DISC1: variants seen among roughly 807,000 people sequenced by gnomAD.
DISC1 encodes DISC1 scaffold protein, also known as disrupted in schizophrenia 1 protein.
Under a neutral mutation model 84.5 loss-of-function variants are expected in DISC1, and 57 were observed. That is an observed-to-expected ratio of 0.67 (90% CI 0.55 to 0.84). The LOEUF (loss-of-function observed/expected upper bound fraction) is 0.84. Among genes scored for constraint, DISC1 ranks in the 40% least tolerant of loss-of-function variants. DISC1 has a pLI of 0.00. For synonymous variants in DISC1, 411 were observed against 415.2 expected, an observed-to-expected ratio of 0.99 and a Z score of 0.12; for missense variants, 1,000 against 1,057.8, an observed-to-expected ratio of 0.95 and a Z score of 0.76.
At chr1:231,629,274 A>G (rs974777172) in intron 1 of DISC1, 6 of 152,632 alleles carry the variant, frequency 3.9e-5, no homozygotes, top group African/African-American at 1.2e-4. Flanking sequence ...TTTTGTTTCA[A>G]CACTCATTTG....
chr1:231,870,745 A>G (rs1252116245), intron 9 of DISC1, among the ~76,000 whole-genome samples: 1 of 151,658 alleles, frequency 6.6e-6, no homozygotes, highest in Non-Finnish European at 1.5e-5. Context: ...CCTATTACAA[A>G]CTCTGTTTTT....
intron 1 of DISC1, among the ~76,000 whole-genome samples, chr1:231,655,592 C>T (rs1409541728): frequency 6.6e-6 from 1 of 152,048 alleles, no homozygotes; most frequent in Non-Finnish European, 1.5e-5. Context: ...GTAATGACTT[C>T]TTTTCCTTTG....
rs572463643 is a variant in DISC1 at position 231,960,749 on chromosome 1, C to T, written c.2042+1861C>T. Among the ~76,000 whole-genome samples the T allele has an allele frequency of 5.3e-5, 8 of 152,258 alleles. No individual in the cohort carries two copies. In the East Asian group the frequency reaches 9.7e-4, roughly 18 times the overall value. ...AGCTGGGTGTCCTCTAACTCATTTC[C>T]GACACCAGCTACCTGGAGACAGCAT... On this transcript the variant is annotated intron_variant, in intron 10 of 12. Coordinates refer to ENST00000439617, the MANE Select transcript of DISC1 (RefSeq NM_018662.3).
At chr1:231,803,887 C>G (rs9432009) in intron 8 of DISC1, among the ~76,000 whole-genome samples, 17,777 of 129,032 alleles carry the variant, frequency 0.14, 1,203 homozygotes, top group East Asian at 0.32. Flanking sequence ...GCGGAGCTTG[C>G]GGTGAGCCCA....
rs561804095 is a variant in DISC1, at chr1:231,833,288, G to A, written c.1981+14771G>A. ...TTTTAAGAGGTTTAGAAGCCTGGCC[G>A]TCAATATCTACAACAGTTATGGAGG... On this transcript the variant is annotated intron_variant, in intron 9 of 12. Transcript: ENST00000439617. 5.4e-4 allele frequency among the ~76,000 whole-genome samples: 82 copies of A among 151,456 alleles called. 1 individual carries two copies. The highest frequency in any genetic ancestry group is 4.4e-3 in the South Asian group (21 of 4,804).
chr1:231,846,400 T>G (rs1348268901), intron 9 of DISC1, among the ~76,000 whole-genome samples: 2 of 152,240 alleles, frequency 1.3e-5, no homozygotes, highest in African/African-American at 4.8e-5. Flanking sequence ...GACCCTGGCC[T>G]TCCTAAGTGA....
chr1:231,946,767 C>CTGTTATCAA lies in DISC1; in HGVS notation c.1982-12057_1982-12049dup, dbSNP rs535025546. Among the ~76,000 whole-genome samples the CTGTTATCAA allele has an allele frequency of 2.0e-4, 30 of 151,162 alleles. No homozygotes were observed. The South Asian group carries it at 6.0e-3, about 30-fold the overall frequency. On this transcript the variant is annotated intron_variant, in intron 9 of 12. Coordinates refer to ENST00000439617, the MANE Select transcript of DISC1 (RefSeq NM_018662.3). Reference sequence around the variant, plus strand: ...CTGAAAAGCAACTTCAGCAAAGTTGCTGTTATCAATGTGCAAAAATCACAA... The same window carrying CTGTTATCAA: ...CTGAAAAGCAACTTCAGCAAAGTTGCTGTTATCAATGTTATCAATGTGCAAAAATCACAA...
At chr1:231,628,876 G>A (rs1298105824) in intron 1 of DISC1, among the ~76,000 whole-genome samples, 1 of 152,120 alleles carries the variant, frequency 6.6e-6, no homozygotes, top group Non-Finnish European at 1.5e-5. Flanking sequence ...TGAGTAGTTG[G>A]GATTACAGGC....
intron 6 of DISC1, chr1:231,774,665 G>C (rs1278071634): frequency 4.4e-6 from 2 of 455,902 alleles, no homozygotes; most frequent in Admixed American, 2.3e-5. Context: ...ACTGCTCCCT[G>C]CCGTAACCAT....
intron 9 of DISC1, among the ~76,000 whole-genome samples, chr1:231,822,321 G>A (rs189392216): frequency 6.6e-6 from 1 of 152,184 alleles, no homozygotes; most frequent in South Asian, 2.1e-4. Flanking sequence ...AGGAATCTGT[G>A]TAGGGTGATC....
intron 10 of DISC1, among the ~76,000 whole-genome samples, chr1:231,974,136 A>G (rs1662447641): frequency 6.6e-6 from 1 of 152,156 alleles, no homozygotes; most frequent in East Asian, 1.9e-4. Flanking sequence ...GCAGGAGAGA[A>G]CCATGATTGG....
chr1:231,847,464 A>G (rs578230913), intron 9 of DISC1, among the ~76,000 whole-genome samples: 1 of 152,322 alleles, frequency 6.6e-6, no homozygotes, highest in South Asian at 2.1e-4. Context: ...ATTTAAAATC[A>G]GATCCTTGCC....
intron 3 of DISC1, among the ~76,000 whole-genome samples, chr1:231,735,160 T>A (rs574811874): frequency 1.3e-4 from 20 of 152,344 alleles, no homozygotes; most frequent in African/African-American, 4.6e-4. Flanking sequence ...CTCTTAGTTC[T>A]TCCCAGGACT....
chr1:231,720,900 A>T, intron 3 of DISC1: 4 of 1,290,960 alleles, frequency 3.1e-6, no homozygotes, highest in Non-Finnish European at 4.0e-6. Context: ...CCTAGTTCTG[A>T]CATTGACTGC....
intron 8 of DISC1, among the ~76,000 whole-genome samples, chr1:231,800,802 G>A (rs899713724): frequency 8.5e-5 from 13 of 152,096 alleles, no homozygotes; most frequent in Non-Finnish European, 1.2e-4. Flanking sequence ...GAGAGAGACC[G>A]TGATCCGAAT....
intron 10 of DISC1, among the ~76,000 whole-genome samples, chr1:232,000,308 A>G (rs1666522173): frequency 6.6e-6 from 1 of 152,222 alleles, no homozygotes; most frequent in African/African-American, 2.4e-5. Context: ...AAACAGAAAT[A>G]AAAATCTCAC....
chr1:231,741,071 G>T (rs1344929191), intron 3 of DISC1, among the ~76,000 whole-genome samples: 1 of 152,212 alleles, frequency 6.6e-6, no homozygotes, highest in Non-Finnish European at 1.5e-5. Context: ...TCGCTCTGTT[G>T]GTGATGTGTG....
chr1:231,964,822 A>C (rs1379685613), intron 10 of DISC1, among the ~76,000 whole-genome samples: 1 of 152,260 alleles, frequency 6.6e-6, no homozygotes, highest in Admixed American at 6.5e-5. Context: ...GTTATCCATT[A>C]AAGAAGATGA....
chr1:231,768,715 T>C (rs138422996), intron 5 of DISC1, among the ~76,000 whole-genome samples: 1 of 152,296 alleles, frequency 6.6e-6, no homozygotes, highest in Non-Finnish European at 1.5e-5. Flanking sequence ...TTTGATCCAC[T>C]AGGGGTGAGA....
Sources: gnomAD v4.1 joint callset for allele counts (sites outside exome capture counted in the v4.1 genomes callset) on GRCh38, gnomAD v4.1.1 for gene constraint, MANE v1.5 for transcripts, NCBI Gene and HGNC (gene_info 2026-07-23, HGNC 2026-07-21) for gene names.